Variants in BNC2 observed in about 807,000 individuals in gnomAD.
The protein encoded by BNC2 is basonuclin zinc finger protein 2, also known as zinc finger protein basonuclin-2.
In BNC2, 20 loss-of-function variants were observed where a neutral mutation model predicts 76.3. That is an observed-to-expected ratio of 0.26 (90% CI 0.18 to 0.38). The LOEUF is 0.38. Ranked by LOEUF, BNC2 falls within the 10% of genes least tolerant of loss-of-function variation. BNC2 has a pLI of 1.00. For missense variants in BNC2, 1,382 were observed against 1,399.8 expected (o/e 0.99, Z 0.20); for synonymous variants, 582 against 514.8 (o/e 1.13, Z -1.77).
At chr9:16,713,694 CT>C (rs1029153987) in intron 3 of BNC2, among the ~76,000 whole-genome samples, 78 of 151,078 alleles carry the variant, frequency 5.2e-4, no homozygotes, top group African/African-American at 1.4e-3. Context: ...TTCCCCCGCC[CT>C]TTTTTTTTAT....
intron 3 of BNC2, among the ~76,000 whole-genome samples, chr9:16,701,604 G>C (rs1181967164): frequency 1.3e-5 from 2 of 152,140 alleles, no homozygotes; most frequent in Admixed American, 6.5e-5. Context: ...AACTTTGGCA[G>C]GCTAAAAGAA....
In BNC2 at chr9:16,416,657, T is replaced by C. The variant is rs1329740581; in HGVS notation, c.*2332A>G. 2 of 152,638 alleles carry C rather than the reference T, an allele frequency of 1.3e-5. No homozygotes were observed. Among genetic ancestry groups the C allele is most frequent in the South Asian group, 4.1e-4 (2 of 4,828 alleles). 9.5% of individuals were successfully genotyped at this position (152,638 alleles called of 1,614,324 possible). A position where few individuals can be genotyped will look rare whatever the true frequency, so the allele number is the denominator to read the frequency against. ...ATAGTTTCTTTTGTACTGCAAATAC[T>C]TTTGGTCTTTCCTCCCCGTAGAACA... On this transcript the variant is annotated 3_prime_UTR_variant, in exon 7 of 7. Coordinates refer to ENST00000380672, the MANE Select transcript of BNC2 (RefSeq NM_017637.6).
At chr9:16,830,730 T>C (rs1239685390) in intron 1 of BNC2, among the ~76,000 whole-genome samples, 1 of 152,200 alleles carries the variant, frequency 6.6e-6, no homozygotes, top group Non-Finnish European at 1.5e-5. Context: ...ATTCTGAAAG[T>C]AGATCACCAA....
intron 5 of BNC2, among the ~76,000 whole-genome samples, chr9:16,523,903 T>C (rs924385504): frequency 6.6e-6 from 1 of 152,160 alleles, no homozygotes; most frequent in Non-Finnish European, 1.5e-5. Context: ...GAGATTGCAG[T>C]GAGCTGAGAT....
At chr9:16,738,564 G>T in intron 1 of BNC2, 79 bp from the exon 2 acceptor site, 1 of 600,126 alleles carries the variant, frequency 1.7e-6, no homozygotes, top group Non-Finnish European at 2.8e-6. Context: ...AAAACTTTAA[G>T]AAATTGCAAA....
chr9:16,772,952 A>G (rs1019778205), intron 1 of BNC2, among the ~76,000 whole-genome samples: 1 of 152,188 alleles, frequency 6.6e-6, no homozygotes, highest in Non-Finnish European at 1.5e-5. Context: ...AGCTACTTTC[A>G]TTACTGTGAT....
At chr9:16,491,485 A>C (rs1822279541) in intron 5 of BNC2, among the ~76,000 whole-genome samples, 1 of 152,250 alleles carries the variant, frequency 6.6e-6, no homozygotes, top group African/African-American at 2.4e-5. Flanking sequence ...AAACTCCTAC[A>C]GCACACGCAG....
chr9:16,483,027 A>G (rs1371118895), intron 5 of BNC2, among the ~76,000 whole-genome samples: 1 of 152,184 alleles, frequency 6.6e-6, no homozygotes, highest in Non-Finnish European at 1.5e-5. Flanking sequence ...CACCACATCC[A>G]ACAGCATGTA....
At chr9:16,524,383 C>CA (rs1563824167) in intron 5 of BNC2, among the ~76,000 whole-genome samples, 5 of 152,046 alleles carry the variant, frequency 3.3e-5, no homozygotes, top group African/African-American at 1.2e-4. Context: ...GGTAAGGAGA[C>CA]GCCAGAGTGC....
At chr9:16,659,418 G>T (rs920987467) in intron 3 of BNC2, among the ~76,000 whole-genome samples, 1 of 151,958 alleles carries the variant, frequency 6.6e-6, no homozygotes, top group African/African-American at 2.4e-5. Context: ...GACCATCCTG[G>T]CCAACATGGT....
At chr9:16,674,729 T>C (rs552731315) in intron 3 of BNC2, among the ~76,000 whole-genome samples, 2 of 152,286 alleles carry the variant, frequency 1.3e-5, no homozygotes, top group African/African-American at 2.4e-5. Flanking sequence ...GATGTAAACA[T>C]AGTACCATAC....
chr9:16,659,234 G>A (rs902548369), intron 3 of BNC2, among the ~76,000 whole-genome samples: 5 of 152,084 alleles, frequency 3.3e-5, no homozygotes, highest in Admixed American at 6.6e-5. Flanking sequence ...CTATTGTACC[G>A]CCATGTAAAA....
At chr9:16,531,891 T>G (rs544532067) in intron 5 of BNC2, among the ~76,000 whole-genome samples, 1 of 152,160 alleles carries the variant, frequency 6.6e-6, no homozygotes, top group Non-Finnish European at 1.5e-5. Context: ...AATAGTAATA[T>G]AGGAAGGAGC....
At chr9:16,483,209 G>A (rs1822095849) in intron 5 of BNC2, among the ~76,000 whole-genome samples, 1 of 152,214 alleles carries the variant, frequency 6.6e-6, no homozygotes, top group African/African-American at 2.4e-5. Flanking sequence ...AAAATGAAAA[G>A]TATATTCTCT....
At chr9:16,826,676 T>C (rs920433813) in intron 1 of BNC2, among the ~76,000 whole-genome samples, 2 of 152,134 alleles carry the variant, frequency 1.3e-5, no homozygotes, top group African/African-American at 4.8e-5. Context: ...GGCAAGCATG[T>C]TTTCACCATG....
chr9:16,675,420 AT>A (rs1423171022), intron 3 of BNC2, among the ~76,000 whole-genome samples: 2 of 151,946 alleles, frequency 1.3e-5, no homozygotes, highest in Non-Finnish European at 2.9e-5. Flanking sequence ...CACCCAGCTA[AT>A]TTTTGTATTT....
At chr9:16,749,869 G>A (rs140630984) in intron 1 of BNC2, among the ~76,000 whole-genome samples, 6 of 152,156 alleles carry the variant, frequency 3.9e-5, no homozygotes, top group Non-Finnish European at 7.3e-5. Flanking sequence ...AGTAACAGAA[G>A]TTATGTTTCA....
intron 5 of BNC2, among the ~76,000 whole-genome samples, chr9:16,465,872 AAAAGAGG>A (rs1821695746): frequency 6.6e-6 from 1 of 151,616 alleles, no homozygotes; most frequent in Non-Finnish European, 1.5e-5. Flanking sequence ...TTCAATTAGG[AAAAGAGG>A]AAGTCAAATT....
chr9:16,543,089 G>A (rs1019649027), intron 5 of BNC2, among the ~76,000 whole-genome samples: 1 of 152,050 alleles, frequency 6.6e-6, no homozygotes, highest in Non-Finnish European at 1.5e-5. Flanking sequence ...CAAATAAAAC[G>A]TATGGGCAAC....
Sources: allele counts gnomAD v4.1 joint callset (sites outside exome capture counted in the v4.1 genomes callset), GRCh38; gene constraint gnomAD v4.1.1; transcripts MANE v1.5; gene names NCBI Gene and HGNC (gene_info 2026-07-23, HGNC 2026-07-21).